Variants in LUC7L2 observed in about 807,000 individuals in gnomAD.
LUC7L2 encodes the protein putative RNA-binding protein Luc7-like 2.
LUC7L2 carries 25 observed loss-of-function variants against 52.8 expected under a neutral mutation model. The ratio of observed to expected loss-of-function variants is 0.47; its 90% CI spans 0.34 to 0.66. The LOEUF (loss-of-function observed/expected upper bound fraction) is 0.66. Among genes scored for constraint, LUC7L2 ranks in the 30% least tolerant of loss-of-function variants. The pLI, the probability that LUC7L2 is intolerant of heterozygous loss-of-function variation, is 0.01. For missense variants in LUC7L2, 328 were observed against 497.8 expected (o/e 0.66, Z 3.25); for synonymous variants, 144 against 160.9 (o/e 0.89, Z 0.80).
chr7:139,402,072 G>C, intron 3 of LUC7L2, 65 bp from the exon 4 acceptor site: 1 of 1,467,896 alleles, frequency 6.8e-7, no homozygotes, highest in South Asian at 1.4e-5. Flanking sequence ...TGTGATTTTT[G>C]TATGAAGATA....
At chr7:139,385,000 AT>A (rs139299459) in intron 2 of LUC7L2, among the ~76,000 whole-genome samples, 18,490 of 152,088 alleles carry the variant, frequency 0.12, 3,238 homozygotes, top group African/African-American at 0.39. Flanking sequence ...GAGGTAGGTA[AT>A]TTTTTTCCCC....
intron 1 of LUC7L2, among the ~76,000 whole-genome samples, chr7:139,365,436 G>A (rs1800106272): frequency 6.6e-6 from 1 of 152,168 alleles, no homozygotes; most frequent in South Asian, 2.1e-4. Flanking sequence ...GTCATATAAG[G>A]ATAGATGGTA....
intron 3 of LUC7L2, among the ~76,000 whole-genome samples, chr7:139,399,556 G>C (rs1371536275): frequency 1.5e-5 from 2 of 135,330 alleles, no homozygotes; most frequent in African/African-American, 5.5e-5. Flanking sequence ...TGCAACCTCT[G>C]CCTCCCGGGT....
chr7:139,399,767 C>G (rs1032238338), intron 3 of LUC7L2, among the ~76,000 whole-genome samples: 1 of 151,868 alleles, frequency 6.6e-6, no homozygotes, highest in Admixed American at 6.6e-5. Context: ...CGGCACCCGG[C>G]CGTTTGGGGG....
chr7:139,382,542 G>A (rs1801088368), intron 2 of LUC7L2, among the ~76,000 whole-genome samples: 5 of 152,024 alleles, frequency 3.3e-5, no homozygotes, highest in African/African-American at 2.4e-5. Context: ...AGCCACAGCC[G>A]GCTTATTTTT....
intron 1 of LUC7L2, chr7:139,344,906 G>C (rs1799199650): frequency 6.7e-6 from 1 of 150,176 alleles, no homozygotes; most frequent in South Asian, 2.1e-4. Flanking sequence ...GCAGAGACAG[G>C]GTTTCACCGT....
chr7:139,369,371 T>C (rs1289046123), intron 1 of LUC7L2, among the ~76,000 whole-genome samples: 1 of 152,236 alleles, frequency 6.6e-6, no homozygotes, highest in Admixed American at 6.5e-5. Flanking sequence ...GCTTTTCTGA[T>C]GTCTCTTGTA....
chr7:139,409,597 AG>A lies in LUC7L2; in HGVS notation c.724del (p.Glu242AsnfsTer3). On this transcript the variant is annotated frameshift_variant, in exon 7 of 10. Coordinates refer to ENST00000354926, the MANE Select transcript of LUC7L2 (RefSeq NM_016019.5). LOFTEE classifies it high-confidence loss of function. ...GCTGAGAAGCAGGAGAAAAGAAACCAGGAACGGCTGAAACGAAGAGAAGAGA... is the reference window on the plus strand; with the variant it reads ...GCTGAGAAGCAGGAGAAAAGAAACCAGAACGGCTGAAACGAAGAGAAGAGA... ...VVAEKQEKRNQERLKRREERE... is the reference protein window; with the variant it reads ...VVAEKQEKRNXERLKRREERE... 6.2e-7 allele frequency: 1 copy of A among 1,611,566 alleles called. No individual in the cohort carries two copies. The highest frequency in any genetic ancestry group is 8.5e-7 in the Non-Finnish European group (1 of 1,178,570).
chr7:139,386,366 ATCTCTGTCACTGGAAATATTTT>A (rs1190634630), intron 2 of LUC7L2, among the ~76,000 whole-genome samples: 8 of 150,956 alleles, frequency 5.3e-5, no homozygotes, highest in African/African-American at 1.2e-4. Context: ...GAATTACAAA[ATCTCTGTCACTGGAAATATTTT>A]TCTCTGTCAC....
At chr7:139,417,409 T>G in intron 8 of LUC7L2, 129 bp from the exon 9 acceptor site, 1 of 1,172,992 alleles carries the variant, frequency 8.5e-7, no homozygotes, top group East Asian at 2.5e-5. Flanking sequence ...TCAGTGTAGA[T>G]TTAGCTGACT....
chr7:139,385,906 G>A (rs562286679), intron 2 of LUC7L2, among the ~76,000 whole-genome samples: 147 of 152,204 alleles, frequency 9.7e-4, no homozygotes, highest in African/African-American at 3.2e-3. Flanking sequence ...TGTGTTCTCC[G>A]CAACTATTTG....
chr7:139,352,347 T>C (rs1799483917), intron 1 of LUC7L2, among the ~76,000 whole-genome samples: 1 of 151,776 alleles, frequency 6.6e-6, no homozygotes, highest in Non-Finnish European at 1.5e-5. Context: ...ATAAAAAAAT[T>C]AGCTGGGCAT....
At chr7:139,380,192 AAATT>A (rs1442607800) in intron 2 of LUC7L2, among the ~76,000 whole-genome samples, 5 of 152,086 alleles carry the variant, frequency 3.3e-5, no homozygotes, top group African/African-American at 1.2e-4. Context: ...ATAAATTAAT[AAATT>A]AATCAGAGGA....
intron 1 of LUC7L2, among the ~76,000 whole-genome samples, chr7:139,370,803 C>G (rs1048713658): frequency 6.6e-6 from 1 of 152,130 alleles, no homozygotes; most frequent in African/African-American, 2.4e-5. Context: ...CTGCCCTGGA[C>G]TAGACTAGAA....
Position 139,380,600 on chromosome 7 carries a change from A to G in LUC7L2, c.156+4444A>G, listed in dbSNP as rs532300715. Reference sequence around the variant, plus strand: ...GAGCAAAAGAGCGAGACACCGTTTAAAAAAATAATAATAAAATAAGAAGCT... The same window carrying G: ...GAGCAAAAGAGCGAGACACCGTTTAGAAAAATAATAATAAAATAAGAAGCT... On this transcript the variant is annotated intron_variant, in intron 2 of 9. Transcript: ENST00000354926. 7.2e-5 allele frequency among the ~76,000 whole-genome samples: 11 copies of G among 152,272 alleles called. No homozygotes were observed. The South Asian group carries it at 1.0e-3, about 14-fold the overall frequency.
At chr7:139,384,636 C>T (rs1229888932) in intron 2 of LUC7L2, among the ~76,000 whole-genome samples, 2 of 150,794 alleles carry the variant, frequency 1.3e-5, no homozygotes, top group African/African-American at 2.4e-5. Flanking sequence ...CCTTAAAAAC[C>T]AAGGCTTTAA....
intron 2 of LUC7L2, among the ~76,000 whole-genome samples, chr7:139,379,371 T>C (rs77471410): frequency 4.8e-5 from 3 of 63,026 alleles, no homozygotes; most frequent in Non-Finnish European, 7.8e-5. Context: ...ATTTCCTGCC[T>C]TTTTTTTTTT....
At position 139,419,039 on chromosome 7, in the gene LUC7L2, G is replaced by A. The variant is rs567299238; in HGVS notation, c.1001+1310G>A. On this transcript the variant is annotated intron_variant, in intron 9 of 9. Transcript: ENST00000354926. ...GGAAGGAGAATTGCTTGAACACAAA[G>A]GTGGAGGTTGCAGTGAGCCAAGATC... Among the ~76,000 whole-genome samples the A allele has an allele frequency of 2.6e-4, 39 of 152,134 alleles. No homozygotes were observed. The South Asian group carries it at 7.2e-3, about 28-fold the overall frequency.
At chr7:139,391,907 A>G (rs760539800) in intron 2 of LUC7L2, among the ~76,000 whole-genome samples, 136 of 152,184 alleles carry the variant, frequency 8.9e-4, no homozygotes, top group Non-Finnish European at 1.5e-3. Context: ...GATTTTTCCA[A>G]TTGTAGTAAT....
Sources: allele counts gnomAD v4.1 joint callset (sites outside exome capture counted in the v4.1 genomes callset), GRCh38; gene constraint gnomAD v4.1.1; transcripts MANE v1.5; gene names NCBI Gene and HGNC (gene_info 2026-07-23, HGNC 2026-07-21).